The following CHRNA5 variants were observed in gnomAD, a reference collection of about 807,000 sequenced individuals.
The protein encoded by CHRNA5 is cholinergic receptor nicotinic alpha 5 subunit.
CHRNA5 carries 28 observed loss-of-function variants against 41.2 expected under a neutral mutation model. That is an observed-to-expected ratio of 0.68 (90% CI 0.50 to 0.93). CHRNA5 has a LOEUF of 0.93. Among genes scored for constraint, CHRNA5 ranks in the 40% least tolerant of loss-of-function variants. The pLI is 0.00. For missense variants in CHRNA5, 481 were observed against 581.9 expected (o/e 0.83, Z 1.78); for synonymous variants, 188 against 205.8 (o/e 0.91, Z 0.74).
chr15:78,580,810 G>A lies in CHRNA5; in HGVS notation c.107-1G>A, dbSNP rs542540729. The A allele has an allele frequency of 6.2e-7, 1 of 1,609,902 alleles. No individual in the cohort carries two copies. Among genetic ancestry groups the A allele is most frequent in the South Asian group, 1.1e-5 (1 of 90,886 alleles). On this transcript the variant is annotated splice_acceptor_variant, in intron 1 of 5. Coordinates refer to ENST00000299565, the Ensembl canonical transcript of CHRNA5. LOFTEE classifies it high-confidence loss of function. ...TTAACTTTTAAAAATTTGTTATACA[G>A]GATTATCTGAACCTTCTTCTATTGC... is the stretch of plus-strand genomic sequence containing the variant.
chr15:78,584,356 T>C (rs1212401322), intron 2 of CHRNA5, among the ~76,000 whole-genome samples: 1 of 152,256 alleles, frequency 6.6e-6, no homozygotes, highest in Non-Finnish European at 1.5e-5. Flanking sequence ...CCTGAAACTC[T>C]TCTGCTATAT....
chr15:78,588,043 C>T lies in CHRNA5; in HGVS notation c.304-271C>T, dbSNP rs140756392. Among the ~76,000 whole-genome samples, 518 of 152,298 alleles carry T rather than the reference C, an allele frequency of 3.4e-3. 3 individuals carry two copies. The highest frequency in any genetic ancestry group is 0.012 in the African/African-American group (502 of 41,562). ...TGTGGCTTCAAGTCCTGGATATAGT[C>T]AGTCAGTTGATGGGAGAAGAGTTGC... On this transcript the variant is annotated intron_variant, in intron 3 of 5. Transcript: ENST00000299565. This position sits in a 1 kb window ranked among gnomAD's most constrained non-coding sequence, Gnocchi z 4.1.
intron 5 of CHRNA5, chr15:78,590,926 A>G (rs769878645): frequency 6.3e-5 from 22 of 349,622 alleles, no homozygotes; most frequent in Admixed American, 2.7e-4. Flanking sequence ...TAATCCTGCC[A>G]TATTTCTTGG....
intron 1 of CHRNA5, among the ~76,000 whole-genome samples, chr15:78,566,273 A>G (rs1364610223): frequency 6.6e-6 from 1 of 151,880 alleles, no homozygotes; most frequent in Non-Finnish European, 1.5e-5. Flanking sequence ...CCTGTCCCCT[A>G]CCCACCGCAG....
intron 1 of CHRNA5, among the ~76,000 whole-genome samples, chr15:78,579,093 C>T (rs920283344): frequency 6.8e-6 from 1 of 147,856 alleles, no homozygotes; most frequent in African/African-American, 2.5e-5. Flanking sequence ...TTTGAAGAAA[C>T]AAGTTTCTTT....
At chr15:78,566,110 A>G (rs538257155) in intron 1 of CHRNA5, among the ~76,000 whole-genome samples, 1 of 152,224 alleles carries the variant, frequency 6.6e-6, no homozygotes, top group Non-Finnish European at 1.5e-5. Flanking sequence ...TTTTTCAGTA[A>G]AAGATGCCAC....
intron 1 of CHRNA5, among the ~76,000 whole-genome samples, chr15:78,568,186 A>C (rs2052767104): frequency 6.6e-6 from 1 of 152,176 alleles, no homozygotes; most frequent in Non-Finnish European, 1.5e-5. Context: ...GGTAAAGAGA[A>C]TATCTAGTCA....
chr15:78,592,765 G>A (rs182746375), intron 5 of CHRNA5, among the ~76,000 whole-genome samples: 3 of 152,074 alleles, frequency 2.0e-5, no homozygotes, highest in Admixed American at 2.0e-4. Flanking sequence ...TACTGGGCAA[G>A]AATAAGTATA....
rs552142003 is a variant in CHRNA5, at chr15:78,588,398, A to G, written c.388A>G (p.Thr130Ala). Residue 130 changes from threonine (T) to alanine (A), a missense_variant, in exon 4 of 6, where the codon ACA (threonine) becomes GCA (alanine). Thr to Ala is a moderately conservative substitution (Grantham distance 58). Transcript: ENST00000299565. The surrounding 1 kb of genome is among the most constrained non-coding windows in gnomAD (Gnocchi z 4.1). ...ACGTGTTCCTTCAGACTCTGTCTGG[A>G]CACCAGACATCGTTTTGTTTGATAA... 3.2e-6 allele frequency: 5 copies of G among 1,540,710 alleles called. No homozygotes were observed. Among genetic ancestry groups the G allele is most frequent in the Middle Eastern group, 1.7e-4 (1 of 5,804 alleles).
intron 5 of CHRNA5, chr15:78,590,842 A>T (rs189578256): frequency 1.8e-6 from 1 of 550,486 alleles, no homozygotes; most frequent in East Asian, 3.1e-5. Flanking sequence ...CATTTACACA[A>T]ATCTCACTTC....
chr15:78,570,823 C>G (rs1437013825), intron 1 of CHRNA5, among the ~76,000 whole-genome samples: 2 of 152,034 alleles, frequency 1.3e-5, no homozygotes, highest in Admixed American at 6.6e-5. Context: ...AAATTTTGTA[C>G]TGGGTTATTC....
At chr15:78,568,861 C>G (rs984270905) in intron 1 of CHRNA5, among the ~76,000 whole-genome samples, 12 of 152,082 alleles carry the variant, frequency 7.9e-5, no homozygotes, top group African/African-American at 2.4e-4. Context: ...ATGGCTGAAC[C>G]TTAATTTTAA....
chr15:78,571,494 T>C (rs952902301), intron 1 of CHRNA5, among the ~76,000 whole-genome samples: 1 of 152,014 alleles, frequency 6.6e-6, no homozygotes, highest in East Asian at 1.9e-4. Flanking sequence ...TAGCTCATAA[T>C]ACATATTTAT....
In CHRNA5 at chr15:78,588,457, CAAAAG is replaced by C. The variant is rs1007447626; in HGVS notation, c.413+39_413+43del. The C allele has an allele frequency of 1.1e-5, 11 of 1,019,896 alleles. No homozygotes were observed. The African/African-American group carries it at 1.2e-4, about 11-fold the overall frequency. 63.2% of individuals were successfully genotyped at this position (1,019,896 alleles called of 1,614,324 possible). A position where few individuals can be genotyped will look rare whatever the true frequency, so the allele number is the denominator to read the frequency against. On this transcript the variant is annotated intron_variant, in intron 4 of 5. Coordinates refer to ENST00000299565, the Ensembl canonical transcript of CHRNA5. The surrounding 1 kb of genome is among the most constrained non-coding windows in gnomAD (Gnocchi z 4.1). ...TATTCTAAATATAGTTTTATATTTT[CAAAAG>C]AAAACATTTGTATTTCTATTAGGCA...
Position 78,588,261 on chromosome 15 carries a change from T to G in CHRNA5, c.304-53T>G. The G allele has an allele frequency of 1.1e-6, 1 of 952,250 alleles. No homozygotes were observed. The highest frequency in any genetic ancestry group is 1.6e-5 in the South Asian group (1 of 61,840). The allele number at this position is 952,250 out of a possible 1,614,324, so 59.0% of individuals were successfully genotyped here. ...TGTGACAAAAAAGTATGGTATTCAC[T>G]GTTTTTGACTATTAGTTTTATTGAA... On this transcript the variant is annotated intron_variant, in intron 3 of 5. Transcript: ENST00000299565. This position sits in a 1 kb window ranked among gnomAD's most constrained non-coding sequence, Gnocchi z 4.1.
exon 5 of CHRNA5, chr15:78,590,211 C>A (rs1272590618): frequency 1.2e-6 from 2 of 1,613,796 alleles, no homozygotes; most frequent in Non-Finnish European, 1.7e-6. Context: ...TGTCTTCTAT[C>A]TTCCTTCAAA....
Position 78,588,353 on chromosome 15 carries a change from T to C in CHRNA5, c.343T>C (p.Tyr115His). 1 of 1,592,892 alleles carries C rather than the reference T, an allele frequency of 6.3e-7. No homozygotes were observed. The highest frequency in any genetic ancestry group is 2.3e-5 in the East Asian group (1 of 44,364). ...AAAATTAAGATGGAACCCTGATGACTATGGTGGAATAAAAGTTATACGTGT... is the reference window on the plus strand; with the variant it reads ...AAAATTAAGATGGAACCCTGATGACCATGGTGGAATAAAAGTTATACGTGT... Residue 115 changes from tyrosine to histidine, a missense_variant, in exon 4 of 6, where the codon TAT becomes CAT. Coordinates refer to ENST00000299565, the Ensembl canonical transcript of CHRNA5. This position sits in a 1 kb window ranked among gnomAD's most constrained non-coding sequence, Gnocchi z 4.1.
In CHRNA5 at chr15:78,567,268, G is replaced by A. The variant is rs190065944; in HGVS notation, c.106+1443G>A. Among the ~76,000 whole-genome samples, 249 of 76,788 alleles carry A rather than the reference G, an allele frequency of 3.2e-3. 1 individual carries two copies. Among genetic ancestry groups the A allele is most frequent in the Middle Eastern group, 0.017 (2 of 116 alleles). 50.4% of individuals were successfully genotyped at this position (76,788 alleles called of 152,430 possible). On this transcript the variant is annotated intron_variant, in intron 1 of 5. Coordinates refer to ENST00000299565, the Ensembl canonical transcript of CHRNA5. ...ACTCCGTCTCAAAAAAAAAAAAAAA[G>A]AAAAGAAAAGAAATGGGGGTAATAA... is the stretch of plus-strand genomic sequence containing the variant.
chr15:78,573,953 C>A (rs187589932), intron 1 of CHRNA5, among the ~76,000 whole-genome samples: 3,131 of 147,434 alleles, frequency 0.021, 106 homozygotes, highest in African/African-American at 0.074. Context: ...TGCACCACCA[C>A]GCCTGGCTAA....
Sources: allele counts gnomAD v4.1 joint callset (sites outside exome capture counted in the v4.1 genomes callset), GRCh38; gene constraint gnomAD v4.1.1; non-coding constraint Gnocchi (gnomAD v3.1); transcripts MANE v1.5; gene names NCBI Gene and HGNC (gene_info 2026-07-23, HGNC 2026-07-21).